CSMD1: variants seen among roughly 807,000 people sequenced by gnomAD.
CSMD1 encodes CUB and Sushi multiple domains 1, also known as CUB and sushi domain-containing protein 1.
In CSMD1, 213 loss-of-function variants were observed where a neutral mutation model predicts 417.5. The ratio of observed to expected loss-of-function variants is 0.51; its 90% CI spans 0.46 to 0.57. The LOEUF (loss-of-function observed/expected upper bound fraction) is 0.57, where lower values mean the gene tolerates loss of function less well. Among genes scored for constraint, CSMD1 ranks in the 20% least tolerant of loss-of-function variants. The pLI is 0.00. For synonymous variants in CSMD1, 2,862 were observed against 1,736.8 expected (o/e 1.65, Z -16.11); for missense variants, 6,923 against 4,529.7 (o/e 1.53, Z -15.17).
chr8:3,305,431 GAGGTGATTAGGTCATA>G (rs1435902461), intron 25 of CSMD1, among the ~76,000 whole-genome samples: 1 of 151,338 alleles, frequency 6.6e-6, no homozygotes, highest in Non-Finnish European at 1.5e-5. Flanking sequence ...GAGCCCTTAT[GAGGTGATTAGGTCATA>G]AGGGCTGGGC....
At chr8:4,329,183 T>A (rs958147963) in intron 3 of CSMD1, among the ~76,000 whole-genome samples, 1 of 152,204 alleles carries the variant, frequency 6.6e-6, no homozygotes, top group Non-Finnish European at 1.5e-5. Context: ...TAATGGAGAA[T>A]AACAAGTATA....
chr8:4,846,981 T>C (rs751983594), intron 1 of CSMD1, among the ~76,000 whole-genome samples: 1 of 152,184 alleles, frequency 6.6e-6, no homozygotes, highest in African/African-American at 2.4e-5. Context: ...TCAAGATCCC[T>C]TACATCATTT....
At chr8:4,417,884 T>C (rs944200042) in intron 3 of CSMD1, among the ~76,000 whole-genome samples, 4 of 152,184 alleles carry the variant, frequency 2.6e-5, no homozygotes, top group South Asian at 4.1e-4. Flanking sequence ...TGGAAAGTAA[T>C]AGTTGTCTAA....
intron 41 of CSMD1, among the ~76,000 whole-genome samples, chr8:3,123,055 T>A (rs1817298311): frequency 6.6e-6 from 1 of 152,206 alleles, no homozygotes; most frequent in Non-Finnish European, 1.5e-5. Context: ...TACAGTGGCG[T>A]GTCCCTCATG....
chr8:3,864,760 C>G (rs1230021698), intron 5 of CSMD1, among the ~76,000 whole-genome samples: 2 of 152,124 alleles, frequency 1.3e-5, no homozygotes, highest in African/African-American at 2.4e-5. Flanking sequence ...AAACTATAGG[C>G]ACCATCGTGG....
At chr8:3,244,572 C>T (rs551804728) in intron 26 of CSMD1, among the ~76,000 whole-genome samples, 19 of 152,308 alleles carry the variant, frequency 1.2e-4, no homozygotes, top group Admixed American at 1.1e-3. Flanking sequence ...CAGACATCAG[C>T]TCTTCAAAGG....
At chr8:3,048,382 T>C (rs760363893) in intron 50 of CSMD1, among the ~76,000 whole-genome samples, 2 of 152,122 alleles carry the variant, frequency 1.3e-5, no homozygotes, top group Non-Finnish European at 2.9e-5. Context: ...GGCAAAAAAG[T>C]AGACAAATGT....
chr8:4,803,256 C>T (rs1201961411), intron 1 of CSMD1, among the ~76,000 whole-genome samples: 1 of 152,078 alleles, frequency 6.6e-6, no homozygotes, highest in Non-Finnish European at 1.5e-5. Flanking sequence ...TTATGGTTTA[C>T]TGAGAAATGT....
At chr8:3,135,874 G>A (rs1222767060) in intron 41 of CSMD1, among the ~76,000 whole-genome samples, 2 of 152,112 alleles carry the variant, frequency 1.3e-5, no homozygotes, top group East Asian at 3.9e-4. Context: ...GCAGGGTATG[G>A]TTAGATTGGG....
intron 3 of CSMD1, among the ~76,000 whole-genome samples, chr8:4,109,309 T>C (rs568798382): frequency 6.6e-6 from 1 of 152,280 alleles, no homozygotes; most frequent in East Asian, 1.9e-4. Flanking sequence ...TGTATTTTTT[T>C]TCTATATTCC....
At chr8:4,261,357 A>G (rs60504759) in intron 3 of CSMD1, among the ~76,000 whole-genome samples, 1 of 152,188 alleles carries the variant, frequency 6.6e-6, no homozygotes, top group South Asian at 2.1e-4. Flanking sequence ...ATCTAAGAAC[A>G]TCTTCTCAGA....
intron 26 of CSMD1, among the ~76,000 whole-genome samples, chr8:3,257,905 C>T (rs991773899): frequency 7.2e-5 from 11 of 151,962 alleles, no homozygotes; most frequent in Admixed American, 4.6e-4. Context: ...GTTACAAGGG[C>T]GTGAAGCTTA....
chr8:3,930,247 T>C (rs1341081515), intron 5 of CSMD1, among the ~76,000 whole-genome samples: 1 of 150,366 alleles, frequency 6.7e-6, no homozygotes, highest in Non-Finnish European at 1.5e-5. Flanking sequence ...TTCAAAGACT[T>C]TCCTCCCCAT....
At chr8:4,732,844 T>C (rs534402849) in intron 1 of CSMD1, among the ~76,000 whole-genome samples, 3 of 152,288 alleles carry the variant, frequency 2.0e-5, no homozygotes, top group Admixed American at 6.5e-5. Flanking sequence ...TGCAGGCTAG[T>C]TGACATCCAC....
At chr8:3,166,287 T>G (rs957281020) in intron 37 of CSMD1, among the ~76,000 whole-genome samples, 1 of 152,152 alleles carries the variant, frequency 6.6e-6, no homozygotes, top group Non-Finnish European at 1.5e-5. Flanking sequence ...TCCAGGCACT[T>G]TGGGAGGCCG....
At chr8:4,644,675 C>A (rs993169212) in intron 1 of CSMD1, among the ~76,000 whole-genome samples, 2 of 152,228 alleles carry the variant, frequency 1.3e-5, no homozygotes, top group African/African-American at 4.8e-5. Flanking sequence ...TCCCAAAGTA[C>A]TGGAATTACA....
intron 49 of CSMD1, among the ~76,000 whole-genome samples, chr8:3,066,717 G>A (rs1182621757): frequency 6.6e-6 from 1 of 152,106 alleles, no homozygotes; most frequent in East Asian, 1.9e-4. Context: ...TGGTCATAAG[G>A]GAGATTACCA....
At chr8:3,730,691 G>C (rs945258086) in intron 6 of CSMD1, among the ~76,000 whole-genome samples, 4 of 152,082 alleles carry the variant, frequency 2.6e-5, no homozygotes, top group African/African-American at 9.7e-5. Context: ...CTCACCAAAA[G>C]GCACCTTGTT....
intron 23 of CSMD1, among the ~76,000 whole-genome samples, chr8:3,332,310 G>C (rs1186743088): frequency 6.6e-6 from 1 of 152,212 alleles, no homozygotes; most frequent in Non-Finnish European, 1.5e-5. Context: ...CCTCTTGTAA[G>C]CTTTTCCTAG....
Sources: gnomAD v4.1 joint callset for allele counts (sites outside exome capture counted in the v4.1 genomes callset) on GRCh38, gnomAD v4.1.1 for gene constraint, MANE v1.5 for transcripts, NCBI Gene and HGNC (gene_info 2026-07-23, HGNC 2026-07-21) for gene names.